The following ABTB2 variants were observed in gnomAD, a reference collection of about 807,000 sequenced individuals.
ABTB2 encodes ankyrin repeat and BTB/POZ domain-containing protein 2.
In ABTB2, 56 loss-of-function variants were observed where a neutral mutation model predicts 104.1. The observed-to-expected ratio is 0.54, with a 90% CI of 0.43 to 0.67. The LOEUF (loss-of-function observed/expected upper bound fraction) is 0.67. ABTB2 is among the 30% of genes least tolerant of loss of function. The probability of loss-of-function intolerance (pLI) is 0.00; values close to 1 mark genes in which losing one functional copy is unlikely to be tolerated. For synonymous variants in ABTB2, 606 were observed against 608.2 expected, an observed-to-expected ratio of 1.00 and a Z score of 0.05; for missense variants, 1,279 against 1,407.7, an observed-to-expected ratio of 0.91 and a Z score of 1.46.
intron 1 of ABTB2, among the ~76,000 whole-genome samples, chr11:34,242,324 G>T (rs1853928907): frequency 6.6e-6 from 1 of 152,188 alleles, no homozygotes; most frequent in Non-Finnish European, 1.5e-5. Context: ...AGGACAGCCA[G>T]TTCCCACCAC....
At chr11:34,202,879 A>C (rs1279077965) in intron 2 of ABTB2, among the ~76,000 whole-genome samples, 2 of 152,134 alleles carry the variant, frequency 1.3e-5, no homozygotes. Context: ...GCTTGGGCTC[A>C]GTTGGTAGCA....
intron 1 of ABTB2, among the ~76,000 whole-genome samples, chr11:34,272,994 C>T (rs60069235): frequency 0.041 from 6,159 of 152,004 alleles, 441 homozygotes; most frequent in African/African-American, 0.14. Flanking sequence ...ACAATAATAG[C>T]GTTTCTTAAA....
intron 1 of ABTB2, among the ~76,000 whole-genome samples, chr11:34,229,278 C>T (rs534751988): frequency 1.4e-4 from 21 of 151,660 alleles, no homozygotes; most frequent in Admixed American, 2.0e-4. Flanking sequence ...GTCAGGAGAT[C>T]AAGACCATCC....
rs1368985295 is a variant in ABTB2 at position 34,152,397 on chromosome 11, G to A, written c.3068C>T (p.Ser1023Phe). 4.5e-6 allele frequency: 7 copies of A among 1,568,746 alleles called. No individual in the cohort carries two copies. Among genetic ancestry groups the A allele is most frequent in the Non-Finnish European group, 6.0e-6 (7 of 1,157,962 alleles). ...CCTCCGCCCCCTGCCTCACACCCGG[G>A]AGGTGATGTAGACAGAGTGCACGCG... is the stretch of plus-strand genomic sequence containing the variant. ...AERVHSVYIT[S>F]RV The change falls in exon 17 of 17, where the codon TCC becomes TTC. Residue 1023 changes from serine to phenylalanine, a missense_variant. By Grantham distance (155) the Ser-to-Phe change is radical. Transcript: ENST00000435224.
At chr11:34,232,249 G>C (rs1238007551) in intron 1 of ABTB2, among the ~76,000 whole-genome samples, 1 of 152,052 alleles carries the variant, frequency 6.6e-6, no homozygotes, top group Non-Finnish European at 1.5e-5. Context: ...AGGAGTTCAA[G>C]ACCAGCCTGG....
At position 34,185,687 on chromosome 11, in the gene ABTB2, G is replaced by T. The variant is rs147423329; in HGVS notation, c.1244+11638C>A. 6.8e-3 allele frequency among the ~76,000 whole-genome samples: 1,043 copies of T among 152,272 alleles called. 2 individuals are homozygous for T. Among genetic ancestry groups the T allele is most frequent in the Middle Eastern group, 0.031 (9 of 294 alleles). Reference sequence around the variant, plus strand: ...GGTCACTGGAGGCTGGAGTGGGGTTGGGGGGAGAGGTGGGTCAACAGGTAC... The same window carrying T: ...GGTCACTGGAGGCTGGAGTGGGGTTTGGGGGAGAGGTGGGTCAACAGGTAC... On this transcript the variant is annotated intron_variant, in intron 3 of 16. Coordinates refer to ENST00000435224, the MANE Select transcript of ABTB2 (RefSeq NM_145804.3).
chr11:34,343,006 G>C (rs1466651704), intron 1 of ABTB2, among the ~76,000 whole-genome samples: 1 of 151,848 alleles, frequency 6.6e-6, no homozygotes, highest in African/African-American at 2.4e-5. Context: ...GTCTCACTCT[G>C]TCACCCAGGC....
At chr11:34,300,035 C>T (rs566132373) in intron 1 of ABTB2, among the ~76,000 whole-genome samples, 43 of 152,152 alleles carry the variant, frequency 2.8e-4, no homozygotes, top group South Asian at 4.1e-4. Flanking sequence ...CTGCCTCCTA[C>T]GCTTGGTGGG....
chr11:34,152,453 T>C lies in ABTB2; in HGVS notation c.3012A>G (p.Pro1004=). The C allele has an allele frequency of 6.2e-7, 1 of 1,600,650 alleles. No homozygotes were observed. Among genetic ancestry groups the C allele is most frequent in the African/African-American group, 1.3e-5 (1 of 74,918 alleles). ...CCAGGGTGTTCTGCAGGTCCTGCAG[T>C]GGATCCAGGCCCTGCACTTTGCTGC... ...GRSSKVQGLD[P]LQDLQNTLAE... Residue 1004 remains proline (P), a synonymous_variant, in exon 17 of 17, where the codon CCA becomes CCG. Transcript: ENST00000435224.
At chr11:34,201,270 C>G (rs1038362252) in intron 2 of ABTB2, among the ~76,000 whole-genome samples, 7 of 152,056 alleles carry the variant, frequency 4.6e-5, no homozygotes, top group East Asian at 3.9e-4. Flanking sequence ...AGTCCTCCCC[C>G]CTTGTTAACC....
intron 3 of ABTB2, among the ~76,000 whole-genome samples, chr11:34,174,009 C>T: frequency 6.6e-6 from 1 of 152,262 alleles, no homozygotes; most frequent in Non-Finnish European, 1.5e-5. Context: ...GTGTGCCAGG[C>T]CAGGTTGCCC....
chr11:34,310,272 C>A (rs1370610161), intron 1 of ABTB2, among the ~76,000 whole-genome samples: 1 of 152,164 alleles, frequency 6.6e-6, no homozygotes, highest in African/African-American at 2.4e-5. Context: ...TCCACAGATA[C>A]CCTAAACTTG....
chr11:34,298,510 T>G (rs1854655608), intron 1 of ABTB2, among the ~76,000 whole-genome samples: 1 of 151,908 alleles, frequency 6.6e-6, no homozygotes, highest in Non-Finnish European at 1.5e-5. Context: ...TTGCCCAGGC[T>G]GGTGTGCAGT....
At chr11:34,277,232 C>A (rs1480274964) in intron 1 of ABTB2, among the ~76,000 whole-genome samples, 9 of 152,084 alleles carry the variant, frequency 5.9e-5, no homozygotes, top group Non-Finnish European at 1.5e-5. Context: ...TCAAATGAAA[C>A]CATTTGGATG....
intron 1 of ABTB2, among the ~76,000 whole-genome samples, chr11:34,226,923 T>A (rs1156867184): frequency 6.6e-6 from 1 of 151,940 alleles, no homozygotes; most frequent in Non-Finnish European, 1.5e-5. Context: ...AAAATTAGCA[T>A]GGTGTGGCAG....
At chr11:34,179,166 A>G (rs1052371324) in intron 3 of ABTB2, among the ~76,000 whole-genome samples, 1 of 152,228 alleles carries the variant, frequency 6.6e-6, no homozygotes, top group Non-Finnish European at 1.5e-5. Flanking sequence ...TGTATCAGAA[A>G]TTAAAACTGA....
intron 1 of ABTB2, among the ~76,000 whole-genome samples, chr11:34,225,130 A>G (rs1853670085): frequency 6.6e-6 from 1 of 152,218 alleles, no homozygotes; most frequent in Non-Finnish European, 1.5e-5. Context: ...AAGTTAAAGG[A>G]AAAGCAATGT....
chr11:34,213,108 T>A (rs1853503310), intron 1 of ABTB2, among the ~76,000 whole-genome samples: 1 of 152,172 alleles, frequency 6.6e-6, no homozygotes, highest in Non-Finnish European at 1.5e-5. Flanking sequence ...CTCTCTCCCA[T>A]CCAGCTGGCT....
At chr11:34,230,721 G>A (rs1451365617) in intron 1 of ABTB2, among the ~76,000 whole-genome samples, 1 of 152,118 alleles carries the variant, frequency 6.6e-6, no homozygotes, top group Admixed American at 6.5e-5. Context: ...GGCTTACAGT[G>A]CCTCTTCCAG....
Sources: allele counts gnomAD v4.1 joint callset (sites outside exome capture counted in the v4.1 genomes callset), GRCh38; gene constraint gnomAD v4.1.1; transcripts MANE v1.5; gene names NCBI Gene and HGNC (gene_info 2026-07-23, HGNC 2026-07-21).